The following PIK3CB variants were observed in gnomAD, a reference collection of about 807,000 sequenced individuals.
PIK3CB encodes the protein phosphatidylinositol-4,5-bisphosphate 3-kinase catalytic subunit beta.
In PIK3CB, 39 loss-of-function variants were observed where a neutral mutation model predicts 136.8. The observed-to-expected ratio is 0.29, with a 90% confidence interval of 0.22 to 0.37. The LOEUF (loss-of-function observed/expected upper bound fraction) is 0.37, where lower values mean the gene tolerates loss of function less well. PIK3CB is among the 10% of genes least tolerant of loss of function. PIK3CB has a pLI of 1.00. For synonymous variants in PIK3CB, 428 were observed against 436.6 expected (o/e 0.98, Z 0.25); for missense variants, 868 against 1,275.4 (o/e 0.68, Z 4.87).
At chr3:138,746,970 T>C (rs1407481902) in intron 4 of PIK3CB, among the ~76,000 whole-genome samples, 1 of 146,152 alleles carries the variant, frequency 6.8e-6, no homozygotes, top group Non-Finnish European at 1.5e-5. Context: ...ACAATGGTAC[T>C]TATACTGGAT....
At chr3:138,738,183 T>G (rs2045154454) in intron 5 of PIK3CB, among the ~76,000 whole-genome samples, 1 of 152,128 alleles carries the variant, frequency 6.6e-6, no homozygotes, top group Non-Finnish European at 1.5e-5. Flanking sequence ...CTCATCTTTT[T>G]TTTTTTGAGA....
chr3:138,737,031 A>G lies in PIK3CB; in HGVS notation c.801+676T>C, dbSNP rs551763779. On this transcript the variant is annotated intron_variant, in intron 6 of 23. Coordinates refer to ENST00000674063, the MANE Select transcript of PIK3CB (RefSeq NM_006219.3). Reference sequence around the variant, plus strand: ...CTATATGATGAAATAGAAAGCAGCTATAAGTGTTAAAAAAATTCATAATGA... The same window carrying G: ...CTATATGATGAAATAGAAAGCAGCTGTAAGTGTTAAAAAAATTCATAATGA... Among the ~76,000 whole-genome samples the G allele has an allele frequency of 1.2e-3, 179 of 152,282 alleles. 1 individual carries two copies. Among genetic ancestry groups the G allele is most frequent in the African/African-American group, 4.1e-3 (169 of 41,540 alleles).
chr3:138,725,387 T>C (rs1322560449), intron 8 of PIK3CB, among the ~76,000 whole-genome samples: 1 of 152,210 alleles, frequency 6.6e-6, no homozygotes, highest in African/African-American at 2.4e-5. Flanking sequence ...ACTTTGCCGA[T>C]AATCTAGTTT....
chr3:138,669,144 G>C (rs148985880), intron 19 of PIK3CB, among the ~76,000 whole-genome samples: 62 of 152,242 alleles, frequency 4.1e-4, no homozygotes, highest in African/African-American at 1.5e-3. Flanking sequence ...AGGTGCGGTG[G>C]CTCACGCCTG....
intron 2 of PIK3CB, among the ~76,000 whole-genome samples, chr3:138,780,273 G>GC (rs1553739709): frequency 1.3e-5 from 2 of 150,492 alleles, no homozygotes; most frequent in African/African-American, 4.9e-5. Context: ...TTGTTTTTTT[G>GC]TTTTTTTTGT....
intron 2 of PIK3CB, among the ~76,000 whole-genome samples, chr3:138,767,000 CTTT>C (rs11290867): frequency 6.6e-6 from 1 of 150,588 alleles, no homozygotes; most frequent in Non-Finnish European, 1.5e-5. Flanking sequence ...CAGTATTCCC[CTTT>C]TTTTTTTGAG....
rs187904141 is a variant in PIK3CB, at chr3:138,809,788, T to C, written c.-121-13221A>G. On this transcript the variant is annotated intron_variant, in intron 1 of 23. Transcript: ENST00000674063. ...GGATAAATTTATAGACATACGTATA[T>C]AGTATTCACATATATTTCCTTGTTC... is the stretch of plus-strand genomic sequence containing the variant. Among the ~76,000 whole-genome samples, 56 of 152,208 alleles carry C rather than the reference T, an allele frequency of 3.7e-4. 2 individuals carry two copies. The East Asian group carries it at 6.4e-3, about 17-fold the overall frequency.
chr3:138,788,743 A>AC (rs1172807632), intron 2 of PIK3CB, among the ~76,000 whole-genome samples: 1 of 150,398 alleles, frequency 6.6e-6, no homozygotes, highest in Non-Finnish European at 1.5e-5. Context: ...CGGGCGGATC[A>AC]CCTGAGGTCA....
At chr3:138,696,815 G>T (rs1187969056) in intron 13 of PIK3CB, among the ~76,000 whole-genome samples, 1 of 152,132 alleles carries the variant, frequency 6.6e-6, no homozygotes, top group East Asian at 1.9e-4. Flanking sequence ...GAGCAGAAGA[G>T]TTGGGAAGAG....
At chr3:138,705,154 G>GAAAAAAA (rs1559828431) in intron 11 of PIK3CB, among the ~76,000 whole-genome samples, 1 of 29,884 alleles carries the variant, frequency 3.3e-5, no homozygotes, top group Non-Finnish European at 6.1e-5. Flanking sequence ...GATTAGAAAG[G>GAAAAAAA]CAAAAAAAAA....
At chr3:138,666,951 C>T (rs1329231036) in intron 19 of PIK3CB, among the ~76,000 whole-genome samples, 4 of 152,106 alleles carry the variant, frequency 2.6e-5, no homozygotes, top group African/African-American at 9.7e-5. Flanking sequence ...CCTGTAATCC[C>T]AGCACTTTGG....
At chr3:138,699,217 A>C in intron 12 of PIK3CB, 122 bp from the exon 13 acceptor site, 2 of 278,980 alleles carry the variant, frequency 7.2e-6, no homozygotes, top group South Asian at 2.2e-4. Context: ...CAAAAATATA[A>C]TTCCATAAAA....
At chr3:138,806,409 C>A (rs997285693) in intron 1 of PIK3CB, among the ~76,000 whole-genome samples, 3 of 151,970 alleles carry the variant, frequency 2.0e-5, no homozygotes, top group Non-Finnish European at 4.4e-5. Flanking sequence ...TTGCTTGAAC[C>A]AGGAGGCAGA....
intron 1 of PIK3CB, among the ~76,000 whole-genome samples, chr3:138,831,955 T>G (rs941782745): frequency 1.3e-5 from 2 of 152,106 alleles, no homozygotes; most frequent in Admixed American, 1.3e-4. Flanking sequence ...CCCATAAGAC[T>G]GGGTAACATC....
intron 22 of PIK3CB, 106 bp downstream of exon 22, chr3:138,657,584 G>T: frequency 1.0e-6 from 1 of 1,004,138 alleles, no homozygotes; most frequent in Non-Finnish European, 1.5e-6. Context: ...TAATCAGACT[G>T]AATATCTCCC....
At chr3:138,709,133 A>C (rs1188533132) in intron 10 of PIK3CB, among the ~76,000 whole-genome samples, 1 of 152,162 alleles carries the variant, frequency 6.6e-6, no homozygotes, top group African/African-American at 2.4e-5. Flanking sequence ...AAATTGATAC[A>C]CGCTATTGAG....
chr3:138,707,120 T>C lies in PIK3CB; in HGVS notation c.1530+39A>G, dbSNP rs764345657. On this transcript the variant is annotated intron_variant, in intron 11 of 23. Transcript: ENST00000674063. Reference sequence around the variant, plus strand: ...ATACATAGAGGAACTGATCATTCAATCATTTCATGCATAGAGGTCCTTTAA... The same window carrying C: ...ATACATAGAGGAACTGATCATTCAACCATTTCATGCATAGAGGTCCTTTAA... 7 of 1,185,422 alleles carry C rather than the reference T, an allele frequency of 5.9e-6. No individual in the cohort carries two copies. In the South Asian group the frequency reaches 8.6e-5, roughly 15 times the overall value. 73.4% of individuals were successfully genotyped at this position (1,185,422 alleles called of 1,614,324 possible).
intron 1 of PIK3CB, among the ~76,000 whole-genome samples, chr3:138,829,619 G>C (rs533545319): frequency 8.6e-4 from 131 of 152,056 alleles, no homozygotes; most frequent in Non-Finnish European, 1.6e-3. Flanking sequence ...GGGGTGCTAC[G>C]ACATGAAAAC....
At chr3:138,722,221 GACACACACACAC>G (rs56139182) in intron 8 of PIK3CB, among the ~76,000 whole-genome samples, 24 of 144,200 alleles carry the variant, frequency 1.7e-4, no homozygotes, top group Admixed American at 3.5e-4. Flanking sequence ...CTATGTAAGA[GACACACACACAC>G]ACACACACAC....
Sources: gnomAD v4.1 joint callset for allele counts (sites outside exome capture counted in the v4.1 genomes callset) on GRCh38, gnomAD v4.1.1 for gene constraint, MANE v1.5 for transcripts, NCBI Gene and HGNC (gene_info 2026-07-23, HGNC 2026-07-21) for gene names.